Variants in LRRK1 observed in about 807,000 individuals in gnomAD.
LRRK1 encodes the protein leucine rich repeat kinase 1, also known as leucine-rich repeat serine/threonine-protein kinase 1.
Under a neutral mutation model 209.1 loss-of-function variants are expected in LRRK1, and 113 were observed. The ratio of observed to expected loss-of-function variants is 0.54; its 90% CI spans 0.46 to 0.63. The LOEUF (loss-of-function observed/expected upper bound fraction) is 0.63. LRRK1 is among the 30% of genes least tolerant of loss of function. The probability of loss-of-function intolerance (pLI) is 0.00; values close to 1 mark genes in which losing one functional copy is unlikely to be tolerated. For synonymous variants in LRRK1, 1,144 were observed against 1,099.7 expected (o/e 1.04, Z -0.80); for missense variants, 2,284 against 2,632.2 (o/e 0.87, Z 2.89).
rs192980964 is a variant in LRRK1, at chr15:101,038,593, C to A, written c.2964-7388C>A. On this transcript the variant is annotated intron_variant, in intron 20 of 33. Transcript: ENST00000388948. ...GATCTCTCACTTACCTTTCCCCACA[C>A]TGGGGAGTCTCTCTCAGCTCTCAGC... Among the ~76,000 whole-genome samples, 94 of 152,316 alleles carry A rather than the reference C, an allele frequency of 6.2e-4. 1 individual carries two copies. The highest frequency in any genetic ancestry group is 2.1e-3 in the African/African-American group (89 of 41,566).
In LRRK1 at chr15:100,973,905, C is replaced by T. The variant is rs528714330; in HGVS notation, c.199C>T (p.Arg67Cys). 1,980 of 1,267,666 alleles carry T rather than the reference C, an allele frequency of 1.6e-3. 27 individuals carry two copies. The African/African-American group carries it at 0.028, about 18-fold the overall frequency. The allele number at this position is 1,267,666 out of a possible 1,614,324, so 78.5% of individuals were successfully genotyped here. ...GIRAAYRRGD[R>C]GGARDLLEEA... Reference sequence around the variant, plus strand: ...CCGCGCCGCGTACAGGCGGGGAGACCGCGGCGGCGCCCGGGACCTGCTGGA... The same window carrying T: ...CCGCGCCGCGTACAGGCGGGGAGACTGCGGCGGCGCCCGGGACCTGCTGGA... The change falls in exon 3 of 34, where the codon CGC becomes TGC. Residue 67 changes from arginine (R) to cysteine (C), a missense_variant. Arg to Cys is a radical substitution (Grantham distance 180). Transcript: ENST00000388948.
In LRRK1 at chr15:101,027,704, G is replaced by A. The variant is rs202089769; in HGVS notation, c.2593G>A (p.Asp865Asn). 364 of 1,612,790 alleles carry A rather than the reference G, an allele frequency of 2.3e-4. 1 individual carries two copies. The highest frequency in any genetic ancestry group is 7.0e-4 in the Admixed American group (42 of 59,848). The change falls in exon 19 of 34, where the codon GAC becomes AAC. Residue 865 changes from aspartate (D) to asparagine (N), a missense_variant. Transcript: ENST00000388948. The surrounding 1 kb of genome is among the most constrained non-coding windows in gnomAD (Gnocchi z 5.1). Reference protein sequence around the residue: ...LAEQQRRSRDDDVQYLTDRQL... With the variant: ...LAEQQRRSRDNDVQYLTDRQL... ...AGAGCAGCAGCGCCGCAGCCGGGAC[G>A]ACGACGTGCAGTACCTGACGGACAG...
chr15:100,961,611 C>G (rs1312870248), intron 2 of LRRK1, among the ~76,000 whole-genome samples: 1 of 151,046 alleles, frequency 6.6e-6, no homozygotes, highest in African/African-American at 2.4e-5. Context: ...CGAGATCGCG[C>G]CACCGCACTC....
chr15:101,037,539 A>G (rs1478270977), intron 20 of LRRK1, among the ~76,000 whole-genome samples: 1 of 152,210 alleles, frequency 6.6e-6, no homozygotes, highest in East Asian at 1.9e-4. Context: ...TCCCCAGGCC[A>G]GCAATGGAAT....
chr15:100,962,977 C>A (rs1262679293), intron 2 of LRRK1, among the ~76,000 whole-genome samples: 2 of 149,512 alleles, frequency 1.3e-5, no homozygotes, highest in African/African-American at 2.5e-5. Flanking sequence ...GCATGCACCA[C>A]CATGCCTGGC....
intron 12 of LRRK1, among the ~76,000 whole-genome samples, chr15:101,018,686 C>T (rs1269095555): frequency 6.6e-6 from 1 of 152,158 alleles, no homozygotes; most frequent in Non-Finnish European, 1.5e-5. Context: ...TGGCAGCCCG[C>T]AGAAGTACAT....
chr15:101,051,597 G>A, intron 23 of LRRK1, 114 bp from the exon 24 acceptor site: 1 of 1,376,056 alleles, frequency 7.3e-7, no homozygotes. Context: ...TACAGGCCAG[G>A]ACAGGCAGCT....
chr15:101,033,916 C>G (rs959643309), intron 20 of LRRK1, among the ~76,000 whole-genome samples: 22 of 152,140 alleles, frequency 1.4e-4, no homozygotes, highest in African/African-American at 5.1e-4. Flanking sequence ...TCTCTGCGTC[C>G]TCACCAGCAT....
At chr15:101,051,468 C>A (rs1173306459) in intron 23 of LRRK1, among the ~76,000 whole-genome samples, 1 of 152,226 alleles carries the variant, frequency 6.6e-6, no homozygotes, top group Non-Finnish European at 1.5e-5. Flanking sequence ...AGTGTCCCGA[C>A]CACTGGACAG....
Position 101,065,492 on chromosome 15 carries a change from C to T in LRRK1, c.5055C>T (p.Asp1685=), listed in dbSNP as rs769765002. 52 of 1,614,224 alleles carry T rather than the reference C, an allele frequency of 3.2e-5. No individual in the cohort carries two copies. The highest frequency in any genetic ancestry group is 1.6e-4 in the Middle Eastern group (1 of 6,062). ...NRSKFSIADE[D]ARQNPYPVKA... Reference sequence around the variant, plus strand: ...CCAAGTTCAGCATCGCGGATGAAGACGCACGGCAGAACCCCTACCCAGTGA... The same window carrying T: ...CCAAGTTCAGCATCGCGGATGAAGATGCACGGCAGAACCCCTACCCAGTGA... The change falls in exon 32 of 34, where the codon GAC becomes GAT. Residue 1685 remains aspartate, a synonymous_variant. Transcript: ENST00000388948.
rs1345868968 is a variant in LRRK1, at chr15:101,070,198, C to CA, written c.*1351dup. ...CCACTCGCTGTCTGGGGATAATGGGCAGCCCCTCCTTGCCCACTGTGCCAA... is the reference window on the plus strand; with the variant it reads ...CCACTCGCTGTCTGGGGATAATGGGCAAGCCCCTCCTTGCCCACTGTGCCAA... On this transcript the variant is annotated 3_prime_UTR_variant, in exon 34 of 34. Transcript: ENST00000388948. 2 of 152,154 alleles carry CA rather than the reference C, an allele frequency of 1.3e-5. No individual in the cohort carries two copies. Among genetic ancestry groups the CA allele is most frequent in the African/African-American group, 4.8e-5 (2 of 41,406 alleles). 9.4% of individuals were successfully genotyped at this position (152,154 alleles called of 1,614,324 possible).
At chr15:100,959,070 G>C (rs181531861) in intron 2 of LRRK1, among the ~76,000 whole-genome samples, 1 of 152,184 alleles carries the variant, frequency 6.6e-6, no homozygotes, top group Non-Finnish European at 1.5e-5. Flanking sequence ...GTTGGAGGGG[G>C]ATGTGTGGCT....
chr15:101,045,039 CA>C (rs1422566336), intron 20 of LRRK1, among the ~76,000 whole-genome samples: 1 of 152,232 alleles, frequency 6.6e-6, no homozygotes, highest in African/African-American at 2.4e-5. Flanking sequence ...CTACCTTCAC[CA>C]GCCCTGCCAA....
chr15:100,984,706 C>T (rs990919572), intron 4 of LRRK1, among the ~76,000 whole-genome samples: 2 of 152,012 alleles, frequency 1.3e-5, no homozygotes, highest in Non-Finnish European at 2.9e-5. Context: ...TATTGGTGTA[C>T]CACACTATGT....
At chr15:100,925,780 G>C (rs2042098633) in intron 2 of LRRK1, among the ~76,000 whole-genome samples, 1 of 152,162 alleles carries the variant, frequency 6.6e-6, no homozygotes, top group Non-Finnish European at 1.5e-5. Flanking sequence ...CCGTTTTATA[G>C]CTGAGGAACA....
At chr15:101,058,480 C>G (rs2035944893) in intron 29 of LRRK1, among the ~76,000 whole-genome samples, 1 of 152,096 alleles carries the variant, frequency 6.6e-6, no homozygotes, top group Admixed American at 6.6e-5. Context: ...CAAGTTTAGC[C>G]TGAACAACAT....
chr15:100,996,788 G>C (rs111867764), intron 6 of LRRK1, among the ~76,000 whole-genome samples: 1,555 of 152,334 alleles, frequency 0.01, 34 homozygotes, highest in African/African-American at 0.036. Context: ...CGACAAAGCA[G>C]TGAGCATGTC....
At chr15:101,006,372 TAAAAAAA>T (rs56053663) in intron 6 of LRRK1, among the ~76,000 whole-genome samples, 37,155 of 114,466 alleles carry the variant, frequency 0.32, 4,778 homozygotes, top group East Asian at 0.49. Context: ...GACAATGTGA[TAAAAAAA>T]AAAAAAAAAA....
rs371606687 is a variant in LRRK1, at chr15:101,012,123, C to T, written c.1397C>T (p.Pro466Leu). 3.5e-5 allele frequency: 56 copies of T among 1,608,842 alleles called. No homozygotes were observed. In the South Asian group the frequency reaches 5.3e-4, roughly 15 times the overall value. ...TCAGAAAACGCACTCAAAGAAGTTC[C>T]CCTGGGACTTTTCCAGCTTGATGTA... The part of the protein sequence containing the change: ...DFSENALKEV[P>L]LGLFQLDALM... Residue 466 changes from proline (P) to leucine (L), a missense_variant, in exon 10 of 34, where the codon CCC becomes CTC. Pro to Leu is a moderately conservative substitution (Grantham distance 98, BLOSUM62 -3). Coordinates refer to ENST00000388948, the MANE Select transcript of LRRK1 (RefSeq NM_024652.6).
Sources: allele counts gnomAD v4.1 joint callset (sites outside exome capture counted in the v4.1 genomes callset), GRCh38; gene constraint gnomAD v4.1.1; non-coding constraint Gnocchi (gnomAD v3.1); transcripts MANE v1.5; gene names NCBI Gene and HGNC (gene_info 2026-07-23, HGNC 2026-07-21).